PAK2: variants seen among roughly 807,000 people sequenced by gnomAD.
PAK2 encodes the protein serine/threonine-protein kinase PAK 2.
In PAK2, 21 loss-of-function variants were observed where a neutral mutation model predicts 65.9. That is an observed-to-expected ratio of 0.32 (90% confidence interval 0.23 to 0.46). The LOEUF (loss-of-function observed/expected upper bound fraction) is 0.46. PAK2 is among the 20% of genes least tolerant of loss of function. PAK2 has a pLI of 1.00. For synonymous variants in PAK2, 204 were observed against 219.7 expected (o/e 0.93, Z 0.63); for missense variants, 324 against 642.6 (o/e 0.50, Z 5.36).
At position 196,791,857 on chromosome 3, in the gene PAK2, G is replaced by C. The variant is rs573698418; in HGVS notation, c.187+9024G>C. ...GAGAATGGCGGGAACCCAGGAGGCG[G>C]AGCTTGCAGTGGAGCTGTGATCGCG... On this transcript the variant is annotated intron_variant, in intron 2 of 14. Transcript: ENST00000327134. The surrounding 1 kb of genome is among the most constrained non-coding windows in gnomAD (Gnocchi z 4.0). Among the ~76,000 whole-genome samples the C allele has an allele frequency of 6.6e-6, 1 of 151,988 alleles. No homozygotes were observed. Among genetic ancestry groups the C allele is most frequent in the South Asian group, 2.1e-4 (1 of 4,818 alleles).
chr3:196,748,487 C>T lies in PAK2; in HGVS notation c.-22+8330C>T, dbSNP rs1237225114. Among the ~76,000 whole-genome samples, 3 of 152,306 alleles carry T rather than the reference C, an allele frequency of 2.0e-5. No individual in the cohort carries two copies. In the East Asian group the frequency reaches 5.8e-4, roughly 29 times the overall value. On this transcript the variant is annotated intron_variant, in intron 1 of 14. Transcript: ENST00000327134. Reference sequence around the variant, plus strand: ...AAACTCTCTGCTCCACCTGTTCCTCCCACTTTTACTGCAACCCCTGGCAAC... The same window carrying T: ...AAACTCTCTGCTCCACCTGTTCCTCTCACTTTTACTGCAACCCCTGGCAAC...
chr3:196,762,425 G>C (rs538514646), intron 1 of PAK2, among the ~76,000 whole-genome samples: 2 of 145,724 alleles, frequency 1.4e-5, no homozygotes, highest in Admixed American at 1.4e-4. Context: ...CTGAGTGAAC[G>C]AGACTCCGTC....
Position 196,827,294 on chromosome 3 carries a change from G to A in PAK2, c.1449G>A (p.Met483Ile). 1 of 1,611,922 alleles carries A rather than the reference G, an allele frequency of 6.2e-7. No individual in the cohort carries two copies. The highest frequency in any genetic ancestry group is 1.1e-5 in the South Asian group (1 of 90,584). Residue 483 changes from methionine to isoleucine, a missense_variant, in exon 14 of 15, where the codon ATG (methionine) becomes ATA (isoleucine). Physicochemically the swap from Met to Ile is conservative, Grantham distance 10. This residue lies in a region of PAK2 where 43 missense variants were observed against 67.6 expected (regional missense o/e 0.64). Coordinates refer to ENST00000327134, the MANE Select transcript of PAK2 (RefSeq NM_002577.4). ...FRDFLNRCLE[M>I]DVEKRGSAKE... Reference sequence around the variant, plus strand: ...ATTTCTTAAATCGATGTTTGGAAATGGATGTGGAAAAAAGGGGTTCAGCCA... The same window carrying A: ...ATTTCTTAAATCGATGTTTGGAAATAGATGTGGAAAAAAGGGGTTCAGCCA...
At chr3:196,827,762 T>G (rs1303369487) in intron 14 of PAK2, among the ~76,000 whole-genome samples, 1 of 151,966 alleles carries the variant, frequency 6.6e-6, no homozygotes, top group South Asian at 2.1e-4. Flanking sequence ...AAAAAAAAAG[T>G]GAGGGTTTCA....
chr3:196,810,875 G>A (rs1183048788), intron 8 of PAK2, among the ~76,000 whole-genome samples: 2 of 151,928 alleles, frequency 1.3e-5, no homozygotes, highest in African/African-American at 4.8e-5. Flanking sequence ...TTTTTCTTAA[G>A]TGTCATTTCC....
chr3:196,789,733 G>A (rs554300882), intron 2 of PAK2, among the ~76,000 whole-genome samples: 15 of 152,254 alleles, frequency 9.9e-5, no homozygotes, highest in East Asian at 1.9e-4. Context: ...CCAAAGTGCC[G>A]GGATTACAGG....
At chr3:196,765,903 CTTT>C (rs746435799) in intron 1 of PAK2, among the ~76,000 whole-genome samples, 1 of 140,444 alleles carries the variant, frequency 7.1e-6, no homozygotes, top group Admixed American at 7.2e-5. Context: ...TTAGTATCTT[CTTT>C]TTTTTTTTTT....
intron 10 of PAK2, among the ~76,000 whole-genome samples, chr3:196,813,561 T>G (rs1715897431): frequency 1.3e-5 from 2 of 152,206 alleles, no homozygotes; most frequent in Middle Eastern, 6.8e-3. Context: ...TAGAGGTGAT[T>G]ATAGGTGATT....
intron 1 of PAK2, among the ~76,000 whole-genome samples, chr3:196,758,679 G>C (rs1560092418): frequency 6.6e-6 from 1 of 152,124 alleles, no homozygotes; most frequent in Non-Finnish European, 1.5e-5. Context: ...TTTTGAGAAA[G>C]TGTCTCGCTC....
At chr3:196,742,568 G>T (rs1015907466) in intron 1 of PAK2, among the ~76,000 whole-genome samples, 6 of 152,130 alleles carry the variant, frequency 3.9e-5, no homozygotes, top group African/African-American at 1.4e-4. Flanking sequence ...AATAATATTT[G>T]AGTATATTTC....
intron 1 of PAK2, among the ~76,000 whole-genome samples, chr3:196,749,791 T>C (rs2108708873): frequency 6.6e-6 from 1 of 152,052 alleles, no homozygotes; most frequent in Admixed American, 6.6e-5. Flanking sequence ...TTTTGGATTT[T>C]ACCCATTCCA....
intron 2 of PAK2, among the ~76,000 whole-genome samples, chr3:196,795,292 CAAA>C (rs55963334): frequency 2.9e-5 from 4 of 136,098 alleles, no homozygotes; most frequent in Non-Finnish European, 3.1e-5. Flanking sequence ...CCCATCTCTA[CAAA>C]AAAAAAAAAA....
Position 196,830,671 on chromosome 3 carries a change from T to C in PAK2, c.*2266T>C, listed in dbSNP as rs1712045521. 1 of 152,208 alleles carries C rather than the reference T, an allele frequency of 6.6e-6. No individual in the cohort carries two copies. The highest frequency in any genetic ancestry group is 2.1e-4 in the South Asian group (1 of 4,830). The allele number at this position is 152,208 out of a possible 1,614,324, so 9.4% of individuals were successfully genotyped here. On this transcript the variant is annotated 3_prime_UTR_variant, in exon 15 of 15. Transcript: ENST00000327134. ...ACGTCCATTGCTGGCAACTGACTTGTCATTAAAACCTGGCTCTTTGGTTAA... is the reference window on the plus strand; with the variant it reads ...ACGTCCATTGCTGGCAACTGACTTGCCATTAAAACCTGGCTCTTTGGTTAA...
intron 1 of PAK2, among the ~76,000 whole-genome samples, chr3:196,744,879 G>C (rs1354205404): frequency 3.3e-5 from 5 of 151,850 alleles, no homozygotes; most frequent in Non-Finnish European, 4.4e-5. Context: ...TGCATATGTA[G>C]ATAAGTATTT....
intron 1 of PAK2, among the ~76,000 whole-genome samples, chr3:196,769,627 C>A (rs772253262): frequency 7.1e-6 from 1 of 140,908 alleles, no homozygotes; most frequent in Non-Finnish European, 1.5e-5. Flanking sequence ...CTGGCTAACA[C>A]GGTGAAACCC....
chr3:196,762,932 G>GA (rs1714033574), intron 1 of PAK2, among the ~76,000 whole-genome samples: 1 of 152,156 alleles, frequency 6.6e-6, no homozygotes, highest in South Asian at 2.1e-4. Flanking sequence ...ATTTGAACAT[G>GA]AAAAAACATA....
chr3:196,774,601 G>C (rs1714476519), intron 1 of PAK2, among the ~76,000 whole-genome samples: 1 of 152,216 alleles, frequency 6.6e-6, no homozygotes. Flanking sequence ...TGGTGTATTT[G>C]AGGAATATGA....
In PAK2 at chr3:196,830,969, C is replaced by T. The variant is rs1712061529; in HGVS notation, c.*2564C>T. The T allele has an allele frequency of 6.6e-6, 1 of 152,208 alleles. No individual in the cohort carries two copies. Among genetic ancestry groups the T allele is most frequent in the Admixed American group, 6.5e-5 (1 of 15,278 alleles). The allele number at this position is 152,208 out of a possible 1,614,324, so 9.4% of individuals were successfully genotyped here. ...TGACATGATCTCAGCTCACTGCAAC[C>T]TCCGCTTCCTGGGTTCAAGCAATTC... On this transcript the variant is annotated 3_prime_UTR_variant, in exon 15 of 15. Transcript: ENST00000327134.
At chr3:196,801,674 A>C (rs542640388) in intron 2 of PAK2, among the ~76,000 whole-genome samples, 58 of 151,956 alleles carry the variant, frequency 3.8e-4, no homozygotes, top group Non-Finnish European at 6.5e-4. Flanking sequence ...CTCTACTAAA[A>C]ATACAAAAAT....
Sources: allele counts gnomAD v4.1 joint callset (sites outside exome capture counted in the v4.1 genomes callset), GRCh38; gene constraint gnomAD v4.1.1; regional missense constraint gnomAD v4.1.1; non-coding constraint Gnocchi (gnomAD v3.1); transcripts MANE v1.5; gene names NCBI Gene and HGNC (gene_info 2026-07-23, HGNC 2026-07-21).